Variants in TMEM108 observed in about 807,000 individuals in gnomAD.
TMEM108 encodes cancer/testis antigen 124.
Under a neutral mutation model 35.1 loss-of-function variants are expected in TMEM108, and 12 were observed. The ratio of observed to expected loss-of-function variants is 0.34; its 90% CI spans 0.22 to 0.55. TMEM108 has a LOEUF of 0.55. Ranked by LOEUF, TMEM108 falls within the 20% of genes least tolerant of loss-of-function variation. The pLI is 0.89. For missense variants in TMEM108, 680 were observed against 753.3 expected (o/e 0.90, Z 1.14); for synonymous variants, 287 against 308.6 (o/e 0.93, Z 0.73).
intron 2 of TMEM108, among the ~76,000 whole-genome samples, chr3:133,130,235 T>A (rs1462597805): frequency 6.6e-6 from 1 of 152,222 alleles, no homozygotes; most frequent in African/African-American, 2.4e-5. Flanking sequence ...TCAGTGTCCC[T>A]CCTGTTCCAG....
intron 3 of TMEM108, among the ~76,000 whole-genome samples, chr3:133,274,335 G>A (rs1946811290): frequency 6.6e-6 from 1 of 152,182 alleles, no homozygotes; most frequent in South Asian, 2.1e-4. Context: ...TTAAACTGTG[G>A]CTGATGAGTG....
At chr3:133,324,799 A>T (rs1333587422) in intron 3 of TMEM108, among the ~76,000 whole-genome samples, 1 of 152,172 alleles carries the variant, frequency 6.6e-6, no homozygotes, top group Non-Finnish European at 1.5e-5. Context: ...AAAATGGTAA[A>T]ACCCTGTGTC....
intron 2 of TMEM108, among the ~76,000 whole-genome samples, chr3:133,117,933 C>T (rs1944307442): frequency 6.6e-6 from 1 of 152,056 alleles, no homozygotes. Flanking sequence ...TGTAGGTGTC[C>T]AGAGAGGCGG....
At chr3:133,272,968 G>A (rs2370051) in intron 3 of TMEM108, among the ~76,000 whole-genome samples, 4 of 152,014 alleles carry the variant, frequency 2.6e-5, no homozygotes, top group East Asian at 3.9e-4. Flanking sequence ...AACAGCGTCC[G>A]CATTGATAAC....
chr3:133,043,049 C>T (rs970881116), intron 1 of TMEM108, among the ~76,000 whole-genome samples: 12 of 152,188 alleles, frequency 7.9e-5, no homozygotes, highest in Admixed American at 2.0e-4. Flanking sequence ...TTTTTCACTG[C>T]GCATCTTTAG....
At chr3:133,253,461 A>C (rs1340491938) in intron 3 of TMEM108, 2 of 152,178 alleles carry the variant, frequency 1.3e-5, no homozygotes, top group African/African-American at 4.8e-5. Context: ...CCCTAAAAAA[A>C]CAACAAAAAT....
chr3:133,239,525 C>T (rs958975496), intron 3 of TMEM108, among the ~76,000 whole-genome samples: 14 of 152,216 alleles, frequency 9.2e-5, no homozygotes, highest in South Asian at 2.1e-4. Context: ...GATTCTGATG[C>T]GCAACCAGGG....
At chr3:133,256,757 A>G (rs57685642) in intron 3 of TMEM108, among the ~76,000 whole-genome samples, 2,176 of 152,332 alleles carry the variant, frequency 0.014, 62 homozygotes, top group African/African-American at 0.05. Flanking sequence ...GAAAATAGAT[A>G]TAGAGAAATC....
intron 2 of TMEM108, among the ~76,000 whole-genome samples, chr3:133,113,008 C>T (rs536288346): frequency 1.3e-5 from 2 of 152,040 alleles, no homozygotes; most frequent in South Asian, 4.2e-4. Context: ...TTAAAGAACA[C>T]GTAAGAAAGA....
chr3:133,040,206 G>GTTTTTTT (rs375124979), intron 1 of TMEM108, among the ~76,000 whole-genome samples: 2 of 129,938 alleles, frequency 1.5e-5, no homozygotes, highest in Admixed American at 7.7e-5. Context: ...TTGTTTGTTT[G>GTTTTTTT]TTTTTTTTTT....
intron 3 of TMEM108, among the ~76,000 whole-genome samples, chr3:133,231,948 A>C (rs1476360409): frequency 1.3e-5 from 2 of 152,172 alleles, no homozygotes; most frequent in Non-Finnish European, 2.9e-5. Flanking sequence ...CAGGGTGCTC[A>C]GTGAGTTCAG....
At chr3:133,185,784 CTTTT>C (rs11309146) in intron 2 of TMEM108, among the ~76,000 whole-genome samples, 23 of 127,094 alleles carry the variant, frequency 1.8e-4, no homozygotes, top group African/African-American at 1.7e-4. Context: ...CTTTTCTTTT[CTTTT>C]TTTTTTTTTT....
chr3:133,164,841 T>A (rs771857736), intron 2 of TMEM108, among the ~76,000 whole-genome samples: 1 of 152,158 alleles, frequency 6.6e-6, no homozygotes, highest in Non-Finnish European at 1.5e-5. Context: ...GAAAAAAACA[T>A]TAATAATGTA....
At position 133,302,284 on chromosome 3, in the gene TMEM108, T is replaced by C. The variant is rs995571312; in HGVS notation, c.40+72933T>C. 3.9e-5 allele frequency among the ~76,000 whole-genome samples: 6 copies of C among 152,168 alleles called. 1 individual carries two copies. Among genetic ancestry groups the C allele is most frequent in the African/African-American group, 1.4e-4 (6 of 41,418 alleles). On this transcript the variant is annotated intron_variant, in intron 3 of 5. Transcript: ENST00000321871. Reference sequence around the variant, plus strand: ...GTGCATGCGTGCGCGTGCACGGGTGTGCACACACACACACTGCTTACCAGA... The same window carrying C: ...GTGCATGCGTGCGCGTGCACGGGTGCGCACACACACACACTGCTTACCAGA...
At chr3:133,206,113 T>A (rs1314216004) in intron 2 of TMEM108, among the ~76,000 whole-genome samples, 1 of 152,224 alleles carries the variant, frequency 6.6e-6, no homozygotes, top group Non-Finnish European at 1.5e-5. Context: ...TCTGTATGCA[T>A]CACGAAGTTC....
intron 2 of TMEM108, among the ~76,000 whole-genome samples, chr3:133,048,490 A>G (rs1169240064): frequency 6.6e-6 from 1 of 152,228 alleles, no homozygotes; most frequent in African/African-American, 2.4e-5. Flanking sequence ...CAAAGAGGCC[A>G]TAACTCTGAC....
chr3:133,320,304 C>T (rs1237074532), intron 3 of TMEM108, among the ~76,000 whole-genome samples: 1 of 151,480 alleles, frequency 6.6e-6, no homozygotes, highest in African/African-American at 2.4e-5. Context: ...ATAAAAAATG[C>T]TCCAAAGAAA....
At chr3:133,169,321 C>T (rs1170612771) in intron 2 of TMEM108, among the ~76,000 whole-genome samples, 1 of 41,882 alleles carries the variant, frequency 2.4e-5, no homozygotes, top group Non-Finnish European at 4.8e-5. Flanking sequence ...CATCTTTGGA[C>T]TTTCTGTATT....
intron 2 of TMEM108, among the ~76,000 whole-genome samples, chr3:133,067,958 G>C (rs1943631196): frequency 6.6e-6 from 1 of 151,902 alleles, no homozygotes; most frequent in African/African-American, 2.4e-5. Context: ...CATCTGGTGT[G>C]GGTCATCCCA....
Sources: allele counts gnomAD v4.1 joint callset (sites outside exome capture counted in the v4.1 genomes callset), GRCh38; gene constraint gnomAD v4.1.1; transcripts MANE v1.5; gene names NCBI Gene and HGNC (gene_info 2026-07-23, HGNC 2026-07-21).